SGSH: variants seen among roughly 807,000 people sequenced by gnomAD.
SGSH encodes the protein N-sulfoglucosamine sulfohydrolase, also known as heparan sulfate sulfatase.
A neutral mutation model predicts 51.0 loss-of-function variants in SGSH; 48 were observed. The observed-to-expected ratio is 0.94, with a 90% CI of 0.75 to 1.20. The LOEUF is 1.20. Among genes scored for constraint, SGSH ranks in the 50% most tolerant of loss-of-function variants. SGSH has a pLI of 0.00. For missense variants in SGSH, 662 were observed against 717.8 expected (o/e 0.92, Z 0.89); for synonymous variants, 321 against 313.4 (o/e 1.02, Z -0.26).
downstream of SGSH, chr17:80,204,831 TGTGTAACCCCC>T: frequency 3.8e-6 from 2 of 526,788 alleles, no homozygotes; most frequent in East Asian, 6.2e-5. Context: ...GCCACAGAGC[TGTGTAACCCCC>T]GTGCAAAGGA....
downstream of SGSH, chr17:80,208,425 T>G: frequency 7.6e-7 from 1 of 1,316,856 alleles, no homozygotes; most frequent in Admixed American, 2.3e-5. Flanking sequence ...CAGGCCCTCT[T>G]GGCACAGCTG....
chr17:80,208,371 T>G (rs1275830177), downstream of SGSH: 18 of 1,541,030 alleles, frequency 1.2e-5, no homozygotes, highest in Non-Finnish European at 1.5e-5. Context: ...CCCGGGACTG[T>G]GGGGGCTTCT....
downstream of SGSH, chr17:80,202,400 C>A: frequency 1.2e-6 from 2 of 1,612,626 alleles, no homozygotes; most frequent in Non-Finnish European, 1.7e-6. Flanking sequence ...CCGCGCACGG[C>A]ACCATCCCCA....
chr17:80,205,226 C>T (rs764893410), downstream of SGSH: 82 of 1,582,622 alleles, frequency 5.2e-5, no homozygotes, highest in Non-Finnish European at 6.7e-5. Flanking sequence ...GCCTGGGAAT[C>T]CCTCTACCCC....
intron 2 of SGSH, chr17:80,216,659 C>G: frequency 3.6e-6 from 1 of 280,148 alleles, no homozygotes; most frequent in Non-Finnish European, 6.9e-6. Flanking sequence ...ACACTGTGGC[C>G]ATGGCGGTTC....
At chr17:80,203,269 C>CAAA (rs5822329), downstream of SGSH, 1 of 108,662 alleles carries the variant, frequency 9.2e-6, no homozygotes, top group Non-Finnish European at 2.1e-5. This position sits in a 1 kb window ranked among gnomAD's most constrained non-coding sequence, Gnocchi z 4.6. Context: ...GACTCTGTCT[C>CAAA]AAAAAAAAAA....
intron 1 of SGSH, among the ~76,000 whole-genome samples, chr17:80,219,158 T>G (rs1391669495): frequency 1.5e-4 from 6 of 39,508 alleles, no homozygotes; most frequent in Non-Finnish European, 2.1e-4. Context: ...AGACCCTGTC[T>G]CACAAAAAAA....
In SGSH at chr17:80,217,298, G is replaced by A. The variant is rs575591442; in HGVS notation, c.89-106C>T. ...GTGATGCCAGAAGGCGAGACACCCA[G>A]GTGGGCATGGTACTGGCTCAGTGTG... On this transcript the variant is annotated intron_variant, in intron 1 of 7. Transcript: ENST00000326317. 22 of 1,321,514 alleles carry A rather than the reference G, an allele frequency of 1.7e-5. No individual in the cohort carries two copies. In the South Asian group the frequency reaches 2.6e-4, roughly 16 times the overall value. The allele number at this position is 1,321,514 out of a possible 1,614,324, so 81.9% of individuals were successfully genotyped here.
downstream of SGSH, chr17:80,208,600 C>T (rs2041484360): frequency 2.4e-6 from 1 of 423,318 alleles, no homozygotes; most frequent in African/African-American, 2.0e-5. Flanking sequence ...ACTGGAAACC[C>T]TGAGAATGTT....
Position 80,211,306 on chromosome 17 carries a change from T to C in SGSH, c.950-295A>G, listed in dbSNP as rs74000619. 20,172 of 641,464 alleles carry C rather than the reference T, an allele frequency of 0.031. 472 individuals carry two copies. The highest frequency in any genetic ancestry group is 0.087 in the African/African-American group (4,721 of 54,280). 39.7% of individuals were successfully genotyped at this position (641,464 alleles called of 1,614,324 possible). A position where few individuals can be genotyped will look rare whatever the true frequency, so the allele number is the denominator to read the frequency against. On this transcript the variant is annotated intron_variant, in intron 7 of 7. Coordinates refer to ENST00000326317, the MANE Select transcript of SGSH (RefSeq NM_000199.5). The stretch of plus-strand genomic sequence containing the variant: ...CGTGTACTCCAGCCCCTGTGGTGGG[T>C]GTGGCCACAGTGCTCCTGGCTCATC...
downstream of SGSH, chr17:80,208,055 G>A: frequency 9.4e-7 from 1 of 1,058,742 alleles, no homozygotes. Context: ...GGGTGTTTGG[G>A]TGCATGTCAT....
At position 80,212,641 on chromosome 17, in the gene SGSH, T is replaced by C. The variant is rs1054470296; in HGVS notation, c.746-367A>G. ...CCAGAGGACGAGGCTTCCTCTATAC[T>C]CGCTCCTTCCCAGCTGGGGCCAGAG... On this transcript the variant is annotated intron_variant, in intron 6 of 7. Transcript: ENST00000326317. The surrounding 1 kb of genome is among the most constrained non-coding windows in gnomAD (Gnocchi z 5.9). 1 of 369,678 alleles carries C rather than the reference T, an allele frequency of 2.7e-6. No homozygotes were observed. Among genetic ancestry groups the C allele is most frequent in the East Asian group, 6.8e-5 (1 of 14,678 alleles). 22.9% of individuals were successfully genotyped at this position (369,678 alleles called of 1,614,324 possible). A position where few individuals can be genotyped will look rare whatever the true frequency, so the allele number is the denominator to read the frequency against.
At chr17:80,216,867 T>C (rs567448573) in intron 2 of SGSH, 165 bp downstream of exon 2, 8 of 679,046 alleles carry the variant, frequency 1.2e-5, no homozygotes. Context: ...TCGGAGCCCC[T>C]AGTCTGCACT....
Position 80,220,242 on chromosome 17 carries a change from G to T in SGSH, c.72C>A (p.Asn24Lys). 2 of 1,523,322 alleles carry T rather than the reference G, an allele frequency of 1.3e-6. No homozygotes were observed. Among genetic ancestry groups the T allele is most frequent in the Non-Finnish European group, 1.8e-6 (2 of 1,141,946 alleles). 94.4% of individuals were successfully genotyped at this position (1,523,322 alleles called of 1,614,324 possible). A position where few individuals can be genotyped will look rare whatever the true frequency, so the allele number is the denominator to read the frequency against. Reference sequence around the variant, plus strand: ...GGCACTCACCGAGGAGCAGCAGTGCGTTCCGGGGACGCGCCCGGCAGAGCC... The same window carrying T: ...GGCACTCACCGAGGAGCAGCAGTGCTTTCCGGGGACGCGCCCGGCAGAGCC... The part of the protein sequence containing the change: ...VLGLCRARPR[N>K]ALLLLADDGG... Residue 24 changes from asparagine to lysine, a missense_variant, in exon 1 of 8, where the codon AAC becomes AAA. Coordinates refer to ENST00000326317, the MANE Select transcript of SGSH (RefSeq NM_000199.5).
chr17:80,213,811 C>T lies in SGSH; in HGVS notation c.738G>A (p.Met246Ile). ...LAAQYTTVGR[M>I]DQGVGLVLQE... ...CCGGTTCTGCAAGCCCACCTTGGTC[C>T]ATGCGGCCGACGGTGGTGTACTGAG... Residue 246 changes from methionine (M) to isoleucine (I), a missense_variant, in exon 6 of 8, where the codon ATG becomes ATA. Coordinates refer to ENST00000326317, the MANE Select transcript of SGSH (RefSeq NM_000199.5). The surrounding 1 kb of genome is among the most constrained non-coding windows in gnomAD (Gnocchi z 4.6). 2 of 1,602,688 alleles carry T rather than the reference C, an allele frequency of 1.2e-6. No homozygotes were observed. The highest frequency in any genetic ancestry group is 1.7e-6 in the Non-Finnish European group (2 of 1,177,482).
chr17:80,210,392 G>A lies in SGSH; in HGVS notation c.*60C>T, dbSNP rs2041586964. ...ACTCCCCAGGCTGGCCGGCCACACG[G>A]ACACGTGTGGGATGTGTCTGGGACA... On this transcript the variant is annotated 3_prime_UTR_variant, in exon 8 of 8. Coordinates refer to ENST00000326317, the MANE Select transcript of SGSH (RefSeq NM_000199.5). 2.0e-6 allele frequency: 3 copies of A among 1,507,564 alleles called. No individual in the cohort carries two copies. Among genetic ancestry groups the A allele is most frequent in the Non-Finnish European group, 2.7e-6 (3 of 1,129,600 alleles). The allele number at this position is 1,507,564 out of a possible 1,614,324, so 93.4% of individuals were successfully genotyped here. A position where few individuals can be genotyped will look rare whatever the true frequency, so the allele number is the denominator to read the frequency against.
intron 5 of SGSH, 38 bp downstream of exon 5, chr17:80,214,134 C>G (rs2041791721): frequency 6.3e-7 from 1 of 1,584,274 alleles, no homozygotes; most frequent in South Asian, 1.1e-5. Flanking sequence ...CGACCCAGGG[C>G]TGACGGGCGT....
chr17:80,202,104 A>C, downstream of SGSH: 1 of 1,369,250 alleles, frequency 7.3e-7, no homozygotes, highest in Non-Finnish European at 1.0e-6. Context: ...CTTCTCTCCT[A>C]CTTTAATTTT....
Position 80,213,985 on chromosome 17 carries a change from C to T in SGSH, c.664-100G>A. ...CTCCTGCAAATGGGTTAGCCCAGAA[C>T]AGCCTCACTCCGGACCACCCCGTCT... is the stretch of plus-strand genomic sequence containing the variant. On this transcript the variant is annotated intron_variant, in intron 5 of 7. Transcript: ENST00000326317. The surrounding 1 kb of genome is among the most constrained non-coding windows in gnomAD (Gnocchi z 4.6). The T allele has an allele frequency of 7.5e-7, 1 of 1,335,826 alleles. No individual in the cohort carries two copies. The highest frequency in any genetic ancestry group is 1.0e-6 in the Non-Finnish European group (1 of 959,292). 82.7% of individuals were successfully genotyped at this position (1,335,826 alleles called of 1,614,324 possible).
Sources: gnomAD v4.1 joint callset for allele counts (sites outside exome capture counted in the v4.1 genomes callset) on GRCh38, gnomAD v4.1.1 for gene constraint, Gnocchi (gnomAD v3.1) non-coding constraint, MANE v1.5 for transcripts, NCBI Gene and HGNC (gene_info 2026-07-23, HGNC 2026-07-21) for gene names.